Variants in EDIL3 observed in about 807,000 individuals in gnomAD.
EDIL3 encodes EGF like and discoidin domains 3.
In EDIL3, 37 loss-of-function variants were observed where a neutral mutation model predicts 67.4. The ratio of observed to expected loss-of-function variants is 0.55; its 90% CI spans 0.42 to 0.72. EDIL3 has a LOEUF of 0.72. EDIL3 is among the 30% of genes least tolerant of loss of function. The pLI is 0.00. For missense variants in EDIL3, 527 were observed against 586.3 expected, an observed-to-expected ratio of 0.90 and a Z score of 1.04; for synonymous variants, 195 against 196.3, an observed-to-expected ratio of 0.99 and a Z score of 0.05.
At chr5:84,371,444 TATATATAGAG>T (rs1561271656) in intron 1 of EDIL3, among the ~76,000 whole-genome samples, 1 of 70,126 alleles carries the variant, frequency 1.4e-5, no homozygotes. Flanking sequence ...TATATATATA[TATATATAGAG>T]AGAGAGAGAG....
intron 6 of EDIL3, among the ~76,000 whole-genome samples, chr5:84,068,580 A>T (rs965500231): frequency 6.6e-6 from 1 of 152,198 alleles, no homozygotes; most frequent in African/African-American, 2.4e-5. Flanking sequence ...CTCTGCATAT[A>T]TATTTTAGGA....
At chr5:83,992,831 A>G (rs1285042285) in intron 9 of EDIL3, among the ~76,000 whole-genome samples, 1 of 151,922 alleles carries the variant, frequency 6.6e-6, no homozygotes, top group African/African-American at 2.4e-5. Flanking sequence ...AGTTATGGCC[A>G]TAGAGTTATT....
chr5:84,263,904 G>C (rs976083311), intron 1 of EDIL3, among the ~76,000 whole-genome samples: 2 of 152,130 alleles, frequency 1.3e-5, no homozygotes, highest in Non-Finnish European at 2.9e-5. Context: ...TTGACTCAAG[G>C]AGGAAGATGT....
At position 84,015,189 on chromosome 5, in the gene EDIL3, G is replaced by A. The variant is rs372897337; in HGVS notation, c.1137+45111C>T. Reference sequence around the variant, plus strand: ...AGCTGTCTGGGAAGTGGAAAACACTGTGATGCAATGTGGGCTCTGAAGGAC... The same window carrying A: ...AGCTGTCTGGGAAGTGGAAAACACTATGATGCAATGTGGGCTCTGAAGGAC... On this transcript the variant is annotated intron_variant, in intron 9 of 10. Coordinates refer to ENST00000296591, the MANE Select transcript of EDIL3 (RefSeq NM_005711.5). Among the ~76,000 whole-genome samples the A allele has an allele frequency of 2.5e-4, 38 of 152,316 alleles. No individual in the cohort carries two copies. In the South Asian group the frequency reaches 7.1e-3, roughly 28 times the overall value.
intron 1 of EDIL3, among the ~76,000 whole-genome samples, chr5:84,298,152 A>G (rs550083556): frequency 1.6e-4 from 24 of 152,312 alleles, no homozygotes; most frequent in Non-Finnish European, 3.2e-4. Flanking sequence ...AGGAGTATAA[A>G]TCATTCTATT....
intron 1 of EDIL3, among the ~76,000 whole-genome samples, chr5:84,323,005 G>A (rs1043713612): frequency 6.6e-6 from 1 of 151,912 alleles, no homozygotes; most frequent in African/African-American, 2.4e-5. Flanking sequence ...CACATATCCA[G>A]ATCAACAAAA....
At chr5:84,106,931 TGCAC>T in intron 5 of EDIL3, 101 bp from the exon 6 acceptor site, 1 of 1,247,602 alleles carries the variant, frequency 8.0e-7, no homozygotes, top group Non-Finnish European at 1.1e-6. Flanking sequence ...GATTTGAATT[TGCAC>T]CACCATGCTA....
chr5:83,983,722 G>C (rs72774742), intron 9 of EDIL3, among the ~76,000 whole-genome samples: 2,808 of 151,322 alleles, frequency 0.019, 35 homozygotes, highest in Non-Finnish European at 0.027. Flanking sequence ...CAATCTGACA[G>C]GTGGGAGGAC....
At chr5:83,946,444 T>C (rs575605812) in intron 10 of EDIL3, among the ~76,000 whole-genome samples, 22 of 151,980 alleles carry the variant, frequency 1.4e-4, no homozygotes, top group African/African-American at 5.3e-4. Context: ...TAAGAGAAGA[T>C]AAGAGAAAGA....
chr5:84,358,988 A>C (rs1747544286), intron 1 of EDIL3, among the ~76,000 whole-genome samples: 1 of 152,148 alleles, frequency 6.6e-6, no homozygotes, highest in Non-Finnish European at 1.5e-5. Context: ...GGGGGAAGAA[A>C]GTAACAAGCC....
At chr5:84,217,122 AG>A (rs1439556177) in intron 3 of EDIL3, among the ~76,000 whole-genome samples, 1 of 135,298 alleles carries the variant, frequency 7.4e-6, no homozygotes, top group African/African-American at 2.9e-5. Context: ...TTAACATTGG[AG>A]TAAATCCAAG....
intron 3 of EDIL3, among the ~76,000 whole-genome samples, chr5:84,181,580 C>T (rs1317514346): frequency 6.6e-6 from 1 of 152,176 alleles, no homozygotes; most frequent in Non-Finnish European, 1.5e-5. Context: ...GTAGGCTCAT[C>T]CTATCTACTC....
chr5:84,056,435 C>G (rs1024139225), intron 9 of EDIL3, among the ~76,000 whole-genome samples: 1 of 151,858 alleles, frequency 6.6e-6, no homozygotes, highest in Non-Finnish European at 1.5e-5. Flanking sequence ...CAAACCTTCA[C>G]ATTGTGCACA....
chr5:84,187,465 T>C (rs1370569945), intron 3 of EDIL3, among the ~76,000 whole-genome samples: 1 of 152,110 alleles, frequency 6.6e-6, no homozygotes, highest in Non-Finnish European at 1.5e-5. Context: ...TAGGCTTTGG[T>C]CAATTTTTAA....
chr5:84,235,404 G>A (rs1744659867), intron 2 of EDIL3, among the ~76,000 whole-genome samples: 1 of 152,108 alleles, frequency 6.6e-6, no homozygotes, highest in South Asian at 2.1e-4. Flanking sequence ...CATTTTACAT[G>A]CATTGTGATT....
intron 3 of EDIL3, among the ~76,000 whole-genome samples, chr5:84,202,431 T>C (rs998902131): frequency 5.9e-5 from 9 of 152,174 alleles, no homozygotes; most frequent in Admixed American, 4.6e-4. Context: ...TAACATCTTT[T>C]TAAACTAAAA....
chr5:84,046,917 A>T (rs566083618), intron 9 of EDIL3, among the ~76,000 whole-genome samples: 46 of 152,300 alleles, frequency 3.0e-4, no homozygotes, highest in African/African-American at 1.1e-3. Flanking sequence ...GAAGCATTCA[A>T]CATCCTACAC....
chr5:84,190,272 T>C (rs1310903077), intron 3 of EDIL3, among the ~76,000 whole-genome samples: 9 of 151,964 alleles, frequency 5.9e-5, no homozygotes, highest in African/African-American at 2.2e-4. Context: ...GCTAAGAAAA[T>C]TCCTTAAAAA....
intron 6 of EDIL3, among the ~76,000 whole-genome samples, chr5:84,089,340 T>C (rs1747125414): frequency 6.6e-6 from 1 of 152,210 alleles, no homozygotes. Context: ...GCCGATGAAC[T>C]CCTTTTCTTG....
Sources: gnomAD v4.1 joint callset for allele counts (sites outside exome capture counted in the v4.1 genomes callset) on GRCh38, gnomAD v4.1.1 for gene constraint, MANE v1.5 for transcripts, NCBI Gene and HGNC (gene_info 2026-07-23, HGNC 2026-07-21) for gene names.